PPAT: variants seen among roughly 807,000 people sequenced by gnomAD.
PPAT encodes amidophosphoribosyltransferase.
A neutral mutation model predicts 60.2 loss-of-function variants in PPAT; 20 were observed. That is an observed-to-expected ratio of 0.33 (90% CI 0.23 to 0.48). The LOEUF (loss-of-function observed/expected upper bound fraction) is 0.48. Among genes scored for constraint, PPAT ranks in the 20% least tolerant of loss-of-function variants. PPAT has a pLI of 0.99. For missense variants in PPAT, 349 were observed against 629.6 expected (o/e 0.55, Z 4.77); for synonymous variants, 194 against 215.1 (o/e 0.90, Z 0.86).
Position 56,394,256 on chromosome 4 carries a change from G to C in PPAT, c.*1096C>G, listed in dbSNP as rs1020250969. The C allele has an allele frequency of 3.3e-5, 5 of 152,094 alleles. No homozygotes were observed. Among genetic ancestry groups the C allele is most frequent in the African/African-American group, 9.7e-5 (4 of 41,396 alleles). The allele number at this position is 152,094 out of a possible 1,614,324, so 9.4% of individuals were successfully genotyped here. Reference sequence around the variant, plus strand: ...GATACTTGGACTTGGATTGTAAGTTGATACTAATTCCCCAAAGTGGTTGTC... The same window carrying C: ...GATACTTGGACTTGGATTGTAAGTTCATACTAATTCCCCAAAGTGGTTGTC... On this transcript the variant is annotated 3_prime_UTR_variant, in exon 11 of 11. Coordinates refer to ENST00000264220, the MANE Select transcript of PPAT (RefSeq NM_002703.5).
At chr4:56,426,914 T>C (rs985822385) in intron 1 of PPAT, among the ~76,000 whole-genome samples, 1 of 152,242 alleles carries the variant, frequency 6.6e-6, no homozygotes, top group African/African-American at 2.4e-5. Context: ...CCAACTCTCC[T>C]TAGCCTGTGG....
At chr4:56,415,000 T>C (rs570154887) in intron 1 of PPAT, among the ~76,000 whole-genome samples, 1 of 152,328 alleles carries the variant, frequency 6.6e-6, no homozygotes, top group South Asian at 2.1e-4. Flanking sequence ...TGTACTTATG[T>C]TTATTTTTCA....
At chr4:56,406,752 G>A (rs1418004190) in intron 2 of PPAT, 51 bp from the exon 3 acceptor site, 1 of 1,292,620 alleles carries the variant, frequency 7.7e-7, no homozygotes, top group Non-Finnish European at 1.1e-6. Flanking sequence ...AGTACTGCTA[G>A]TAATAAACGC....
chr4:56,413,908 A>C (rs1225801740), intron 1 of PPAT, among the ~76,000 whole-genome samples: 15 of 152,158 alleles, frequency 9.9e-5, no homozygotes, highest in Non-Finnish European at 2.2e-4. Flanking sequence ...AAAATAAATA[A>C]ATTAAATAAA....
chr4:56,432,774 C>T (rs1302808857), intron 1 of PPAT, among the ~76,000 whole-genome samples: 2 of 130,146 alleles, frequency 1.5e-5, no homozygotes, highest in East Asian at 4.2e-4. Flanking sequence ...TGGGAGACAG[C>T]GAGACTCTGT....
At chr4:56,410,810 G>A in intron 1 of PPAT, 2 of 977,400 alleles carry the variant, frequency 2.0e-6, no homozygotes, top group Non-Finnish European at 2.4e-6. Context: ...CCTGCAGTAT[G>A]AACCTGCCAC....
chr4:56,409,254 A>C (rs558628053), intron 1 of PPAT, among the ~76,000 whole-genome samples: 1 of 152,218 alleles, frequency 6.6e-6, no homozygotes, highest in Admixed American at 6.5e-5. Context: ...GGTGGTAGCC[A>C]GGATTCCAAT....
intron 3 of PPAT, among the ~76,000 whole-genome samples, chr4:56,403,828 C>T (rs901661204): frequency 6.6e-6 from 1 of 152,102 alleles, no homozygotes; most frequent in Admixed American, 6.5e-5. Context: ...ATAAGGAGAG[C>T]ACAACCTGGA....
rs1478844620 is a variant in PPAT, at chr4:56,396,001, A to G, written c.1358-453T>C. On this transcript the variant is annotated intron_variant, in intron 10 of 10. Coordinates refer to ENST00000264220, the MANE Select transcript of PPAT (RefSeq NM_002703.5). This position sits in a 1 kb window ranked among gnomAD's most constrained non-coding sequence, Gnocchi z 4.6. ...GCAGCATAGTTTCTGGCAAAGTGTG[A>G]GTGCTTATAACATGTATGACACCCA... 6.6e-6 allele frequency among the ~76,000 whole-genome samples: 1 copy of G among 152,208 alleles called. No individual in the cohort carries two copies. The highest frequency in any genetic ancestry group is 1.5e-5 in the Non-Finnish European group (1 of 68,028).
intron 2 of PPAT, 135 bp from the exon 3 acceptor site, chr4:56,406,836 T>C: frequency 1.4e-6 from 1 of 709,002 alleles, no homozygotes; most frequent in East Asian, 2.7e-5. Context: ...AGAATTCTAA[T>C]CTAAAAAAAA....
At chr4:56,424,425 A>C (rs1717191369) in intron 1 of PPAT, among the ~76,000 whole-genome samples, 1 of 152,188 alleles carries the variant, frequency 6.6e-6, no homozygotes, top group Non-Finnish European at 1.5e-5. Flanking sequence ...GGACTGATTC[A>C]CACAGAAGTT....
At chr4:56,419,749 G>A (rs911743624) in intron 1 of PPAT, 6 of 984,410 alleles carry the variant, frequency 6.1e-6, no homozygotes, top group Non-Finnish European at 6.0e-6. Flanking sequence ...AGCATACAAC[G>A]ACAACTAGAG....
intron 9 of PPAT, among the ~76,000 whole-genome samples, chr4:56,398,590 C>G (rs1439323813): frequency 2.0e-5 from 3 of 149,864 alleles, no homozygotes; most frequent in Non-Finnish European, 4.4e-5. Flanking sequence ...GCTGGAATTA[C>G]AGGTGTGTGC....
chr4:56,408,781 T>C (rs899988266), intron 1 of PPAT, among the ~76,000 whole-genome samples: 1 of 151,982 alleles, frequency 6.6e-6, no homozygotes, highest in African/African-American at 2.4e-5. Flanking sequence ...AAGTTAGCTT[T>C]TGTTTTGTTG....
Position 56,426,295 on chromosome 4 carries a change from G to A in PPAT, c.128+9055C>T, listed in dbSNP as rs148347185. 9.7e-3 allele frequency among the ~76,000 whole-genome samples: 1,470 copies of A among 152,180 alleles called. 18 individuals carry two copies. Among genetic ancestry groups the A allele is most frequent in the African/African-American group, 0.033 (1,370 of 41,520 alleles). On this transcript the variant is annotated intron_variant, in intron 1 of 10. Transcript: ENST00000264220. The stretch of plus-strand genomic sequence containing the variant: ...CGCGCACCTGTGGTCTCAGCTACTC[G>A]GGAGGCTGAGGCAGGAGAATCACTT...
chr4:56,403,465 T>G (rs997248836), intron 3 of PPAT, 64 bp from the exon 4 acceptor site: 9 of 1,184,936 alleles, frequency 7.6e-6, no homozygotes, highest in Non-Finnish European at 1.1e-5. Flanking sequence ...CCAAACCCAG[T>G]AGCCAACCAT....
At chr4:56,417,848 T>G (rs1379603084) in intron 1 of PPAT, among the ~76,000 whole-genome samples, 5 of 150,826 alleles carry the variant, frequency 3.3e-5, no homozygotes, top group Admixed American at 2.0e-4. Context: ...TTTTGTTTTT[T>G]TTTTTTTTTT....
In PPAT at chr4:56,408,753, CA is replaced by C. The variant is rs35367469; in HGVS notation, c.129-1038del. 6.5e-3 allele frequency among the ~76,000 whole-genome samples: 868 copies of C among 132,862 alleles called. 4 individuals are homozygous for C. The highest frequency in any genetic ancestry group is 0.018 in the African/African-American group (661 of 35,896). 87.2% of individuals were successfully genotyped at this position (132,862 alleles called of 152,430 possible). A position where few individuals can be genotyped will look rare whatever the true frequency, so the allele number is the denominator to read the frequency against. ...TGGGCGACAGAGCGAGATTCCGTTT[CA>C]AAAAAAAAAAAAAAAAAAGTTAGCT... On this transcript the variant is annotated intron_variant, in intron 1 of 10. Transcript: ENST00000264220.
intron 9 of PPAT, among the ~76,000 whole-genome samples, chr4:56,398,686 G>C (rs924902086): frequency 5.9e-5 from 9 of 152,118 alleles, no homozygotes; most frequent in African/African-American, 2.2e-4. Context: ...CTGGATGCAA[G>C]CAATCTGCCC....
Sources: gnomAD v4.1 joint callset for allele counts (sites outside exome capture counted in the v4.1 genomes callset) on GRCh38, gnomAD v4.1.1 for gene constraint, Gnocchi (gnomAD v3.1) non-coding constraint, MANE v1.5 for transcripts, NCBI Gene and HGNC (gene_info 2026-07-23, HGNC 2026-07-21) for gene names.